ENPP6: variants seen among roughly 807,000 people sequenced by gnomAD.
ENPP6 encodes the protein glycerophosphocholine cholinephosphodiesterase ENPP6.
ENPP6 carries 32 observed loss-of-function variants against 42.0 expected under a neutral mutation model. The observed-to-expected ratio is 0.76, with a 90% CI of 0.58 to 1.02. The LOEUF (loss-of-function observed/expected upper bound fraction) is 1.02, where lower values mean the gene tolerates loss of function less well. ENPP6 is among the 50% of genes least tolerant of loss of function. The pLI is 0.00. For synonymous variants in ENPP6, 213 were observed against 216.0 expected (o/e 0.99, Z 0.12); for missense variants, 552 against 566.8 (o/e 0.97, Z 0.27).
At chr4:184,124,101 T>C in intron 3 of ENPP6, 60 bp downstream of exon 3, 1 of 1,334,690 alleles carries the variant, frequency 7.5e-7, no homozygotes, top group Non-Finnish European at 1.1e-6. Context: ...CACTTTAGGA[T>C]CCATGATCAG....
At chr4:184,107,855 C>T (rs1004141892) in intron 6 of ENPP6, among the ~76,000 whole-genome samples, 4 of 151,106 alleles carry the variant, frequency 2.6e-5, no homozygotes, top group African/African-American at 9.8e-5. Flanking sequence ...GCGGAGCTTG[C>T]TGTGAGCCGA....
chr4:184,194,860 G>A (rs528964732), intron 1 of ENPP6, among the ~76,000 whole-genome samples: 102 of 152,282 alleles, frequency 6.7e-4, no homozygotes, highest in Non-Finnish European at 1.3e-3. Context: ...TGGTGGGAAC[G>A]AGTATGGAGC....
At chr4:184,144,266 C>A (rs1234328877) in intron 2 of ENPP6, among the ~76,000 whole-genome samples, 1 of 152,216 alleles carries the variant, frequency 6.6e-6, no homozygotes, top group Non-Finnish European at 1.5e-5. Flanking sequence ...TTTGCCAGGA[C>A]TCCTCCCTCC....
At chr4:184,095,328 T>C (rs549691624) in intron 7 of ENPP6, among the ~76,000 whole-genome samples, 2 of 152,170 alleles carry the variant, frequency 1.3e-5, no homozygotes, top group South Asian at 2.1e-4. Flanking sequence ...TGTTTAAAAT[T>C]TGGGGTTTGG....
At chr4:184,201,536 C>G (rs962781358) in intron 1 of ENPP6, among the ~76,000 whole-genome samples, 1 of 152,130 alleles carries the variant, frequency 6.6e-6, no homozygotes, top group Non-Finnish European at 1.5e-5. Flanking sequence ...ACAGCTTTGC[C>G]CCCTACTCTA....
chr4:184,129,980 T>C (rs1736567167), intron 2 of ENPP6, among the ~76,000 whole-genome samples: 1 of 152,272 alleles, frequency 6.6e-6, no homozygotes, highest in Non-Finnish European at 1.5e-5. Flanking sequence ...TGTTTCTGTT[T>C]TGTCGAATAT....
intron 1 of ENPP6, among the ~76,000 whole-genome samples, chr4:184,204,711 T>A (rs1296966822): frequency 2.6e-5 from 4 of 152,160 alleles, no homozygotes; most frequent in Admixed American, 2.6e-4. Flanking sequence ...AACCTTATAA[T>A]CAAAATTTAA....
intron 7 of ENPP6, among the ~76,000 whole-genome samples, chr4:184,093,166 T>C (rs1162585446): frequency 1.3e-5 from 2 of 152,172 alleles, no homozygotes; most frequent in East Asian, 3.8e-4. Context: ...AAGTCATCGT[T>C]CCTGGAACAC....
chr4:184,105,434 A>G (rs965095018), intron 6 of ENPP6, among the ~76,000 whole-genome samples: 2 of 152,210 alleles, frequency 1.3e-5, no homozygotes, highest in Non-Finnish European at 2.9e-5. Flanking sequence ...CACATTGAAC[A>G]TTCTGCTGAA....
At chr4:184,094,467 G>A (rs575988234) in intron 7 of ENPP6, among the ~76,000 whole-genome samples, 11 of 152,382 alleles carry the variant, frequency 7.2e-5, no homozygotes, top group African/African-American at 2.6e-4. Context: ...GCCTCCTGCT[G>A]CGCAGGGATA....
chr4:184,090,916 G>A lies in ENPP6; in HGVS notation c.*261C>T, dbSNP rs928884582. ...GCTCAGAGAGTTCATCCTGAGTAAC[G>A]TGAAAAGAAAGGAGAAAATGACATA... On this transcript the variant is annotated 3_prime_UTR_variant, in exon 8 of 8. Transcript: ENST00000296741. The A allele has an allele frequency of 8.8e-6, 4 of 454,152 alleles. No homozygotes were observed. Among genetic ancestry groups the A allele is most frequent in the African/African-American group, 6.1e-5 (3 of 49,526 alleles). 28.1% of individuals were successfully genotyped at this position (454,152 alleles called of 1,614,324 possible). A position where few individuals can be genotyped will look rare whatever the true frequency, so the allele number is the denominator to read the frequency against.
chr4:184,130,710 A>C (rs1478611575), intron 2 of ENPP6, among the ~76,000 whole-genome samples: 3 of 86,216 alleles, frequency 3.5e-5, no homozygotes, highest in African/African-American at 1.4e-4. Flanking sequence ...TGCAGCAGAC[A>C]AGTCCTAACT....
At chr4:184,096,419 G>A (rs543322001) in intron 7 of ENPP6, among the ~76,000 whole-genome samples, 1 of 152,240 alleles carries the variant, frequency 6.6e-6, no homozygotes, top group South Asian at 2.1e-4. Context: ...GCAGGAGGAC[G>A]GACTGTGCTA....
chr4:184,101,788 G>T (rs556486447), intron 6 of ENPP6, among the ~76,000 whole-genome samples: 1 of 152,158 alleles, frequency 6.6e-6, no homozygotes, highest in Non-Finnish European at 1.5e-5. Context: ...TGCCTTCCAG[G>T]ACCCCTCCTC....
chr4:184,110,211 C>A (rs554366588), intron 6 of ENPP6, among the ~76,000 whole-genome samples: 16 of 152,180 alleles, frequency 1.1e-4, no homozygotes, highest in Admixed American at 2.0e-4. Flanking sequence ...CCCCAGTCTA[C>A]CTGACTCCTG....
At chr4:184,142,385 C>T (rs1346954954) in intron 2 of ENPP6, among the ~76,000 whole-genome samples, 3 of 152,232 alleles carry the variant, frequency 2.0e-5, no homozygotes, top group Non-Finnish European at 2.9e-5. Context: ...CCTAGAAGCA[C>T]GTAACCTTTT....
chr4:184,117,907 G>C lies in ENPP6; in HGVS notation c.534-7C>G. 6.2e-7 allele frequency: 1 copy of C among 1,613,518 alleles called. No homozygotes were observed. The highest frequency in any genetic ancestry group is 8.5e-7 in the Non-Finnish European group (1 of 1,179,742). On this transcript the variant is annotated splice_polypyrimidine_tract_variant and splice_region_variant and intron_variant, in intron 3 of 7. Coordinates refer to ENST00000296741, the MANE Select transcript of ENPP6 (RefSeq NM_153343.4). ...CAGGTCGGCCCGGCCACTCCTGGAGGGACAGAGGAGAGAGGCATAGGTGAG... is the reference window on the plus strand; with the variant it reads ...CAGGTCGGCCCGGCCACTCCTGGAGCGACAGAGGAGAGAGGCATAGGTGAG...
chr4:184,095,273 T>C (rs945585331), intron 7 of ENPP6, among the ~76,000 whole-genome samples: 4 of 152,192 alleles, frequency 2.6e-5, no homozygotes. Context: ...GGACAGAATC[T>C]CTTCACCAAA....
intron 1 of ENPP6, among the ~76,000 whole-genome samples, chr4:184,155,890 T>C (rs1243177740): frequency 6.6e-6 from 1 of 152,216 alleles, no homozygotes; most frequent in Non-Finnish European, 1.5e-5. Flanking sequence ...CTCTAAAGTG[T>C]CCAAACTCAC....
Sources: gnomAD v4.1 joint callset for allele counts (sites outside exome capture counted in the v4.1 genomes callset) on GRCh38, gnomAD v4.1.1 for gene constraint, MANE v1.5 for transcripts, NCBI Gene and HGNC (gene_info 2026-07-23, HGNC 2026-07-21) for gene names.